PXDC1: variants seen among roughly 807,000 people sequenced by gnomAD.
PXDC1 encodes PX domain containing 1, also known as PX domain-containing protein 1.
A neutral mutation model predicts 24.4 loss-of-function variants in PXDC1; 13 were observed. The observed-to-expected ratio is 0.53, with a 90% CI of 0.35 to 0.85. The LOEUF (loss-of-function observed/expected upper bound fraction) is 0.85. Among genes scored for constraint, PXDC1 ranks in the 40% least tolerant of loss-of-function variants. The probability of loss-of-function intolerance (pLI) is 0.01; values close to 1 mark genes in which losing one functional copy is unlikely to be tolerated. For synonymous variants in PXDC1, 162 were observed against 124.9 expected, an observed-to-expected ratio of 1.30 and a Z score of -1.98; for missense variants, 344 against 309.3, an observed-to-expected ratio of 1.11 and a Z score of -0.84.
At chr6:3,747,752 A>G (rs994739736) in intron 1 of PXDC1, among the ~76,000 whole-genome samples, 20 of 152,062 alleles carry the variant, frequency 1.3e-4, no homozygotes, top group African/African-American at 4.4e-4. Flanking sequence ...TCACTATCTA[A>G]TGTATTTGTT....
chr6:3,748,937 G>C (rs1487929963), intron 1 of PXDC1, among the ~76,000 whole-genome samples: 3 of 152,320 alleles, frequency 2.0e-5, no homozygotes, highest in Middle Eastern at 6.8e-3. Flanking sequence ...TGTATATCCA[G>C]ATAATCTTTT....
chr6:3,726,929 C>T (rs1031811506), intron 4 of PXDC1, among the ~76,000 whole-genome samples: 16 of 152,228 alleles, frequency 1.1e-4, no homozygotes, highest in African/African-American at 3.4e-4. Context: ...TGAGCTCATA[C>T]AGCCAAGGAG....
At chr6:3,726,583 AGAG>A (rs1180115409) in intron 4 of PXDC1, among the ~76,000 whole-genome samples, 1 of 152,258 alleles carries the variant, frequency 6.6e-6, no homozygotes, top group Non-Finnish European at 1.5e-5. Context: ...GGGATTCAGC[AGAG>A]GAGGCCCAGG....
At position 3,728,547 on chromosome 6, in the gene PXDC1, T is replaced by C. The variant is rs1010738094; in HGVS notation, c.467-885A>G. The stretch of plus-strand genomic sequence containing the variant: ...ACTTCCTACGTCCATACTGGCTGCA[T>C]GGCATGAGCTAGAGGGTGGAAGTCT... On this transcript the variant is annotated intron_variant, in intron 3 of 4. Transcript: ENST00000380283. This position sits in a 1 kb window ranked among gnomAD's most constrained non-coding sequence, Gnocchi z 4.0. Among the ~76,000 whole-genome samples, 30 of 152,168 alleles carry C rather than the reference T, an allele frequency of 2.0e-4. No homozygotes were observed. The highest frequency in any genetic ancestry group is 2.0e-3 in the Admixed American group (30 of 15,282).
intron 3 of PXDC1, among the ~76,000 whole-genome samples, chr6:3,735,564 A>T (rs1760298305): frequency 6.6e-6 from 1 of 152,234 alleles, no homozygotes; most frequent in South Asian, 2.1e-4. Flanking sequence ...AGAAGGGGAG[A>T]TCATAGAAGC....
intron 1 of PXDC1, 82 bp from the exon 2 acceptor site, chr6:3,738,230 C>T: frequency 9.6e-7 from 1 of 1,039,802 alleles, no homozygotes; most frequent in Non-Finnish European, 1.5e-6. Context: ...CAGGTGCCCA[C>T]AAACCGCCAG....
chr6:3,751,216 C>CCTTCGTGCACTTCAAGGCTGCCTCGG (rs1760708790), intron 1 of PXDC1, 60 bp downstream of exon 1: 1 of 1,271,354 alleles, frequency 7.9e-7, no homozygotes, highest in Non-Finnish European at 1.0e-6. Context: ...TTCCCCGCCT[C>CCTTCGTGCACTTCAAGGCTGCCTCGG]CTTCGTGCAC....
intron 1 of PXDC1, among the ~76,000 whole-genome samples, chr6:3,747,243 A>G (rs1227129480): frequency 6.6e-6 from 1 of 151,320 alleles, no homozygotes; most frequent in Non-Finnish European, 1.5e-5. Flanking sequence ...ACTACTCCAC[A>G]CCCCATGTCT....
At chr6:3,726,515 T>C (rs1016633859) in intron 4 of PXDC1, among the ~76,000 whole-genome samples, 1 of 152,200 alleles carries the variant, frequency 6.6e-6, no homozygotes, top group African/African-American at 2.4e-5. Flanking sequence ...CGGGGTCTGT[T>C]AGCAGGAGCC....
intron 3 of PXDC1, among the ~76,000 whole-genome samples, chr6:3,733,381 G>C (rs1453679408): frequency 6.6e-6 from 1 of 152,184 alleles, no homozygotes; most frequent in Non-Finnish European, 1.5e-5. Flanking sequence ...GCTATTTATT[G>C]TCAATAGTAA....
intron 1 of PXDC1, among the ~76,000 whole-genome samples, chr6:3,746,831 G>A (rs1008379754): frequency 6.6e-6 from 1 of 152,144 alleles, no homozygotes. Flanking sequence ...AACAGCATGA[G>A]CAGGTTCAGG....
At chr6:3,733,611 G>C (rs1268076756) in intron 3 of PXDC1, among the ~76,000 whole-genome samples, 1 of 152,104 alleles carries the variant, frequency 6.6e-6, no homozygotes, top group Non-Finnish European at 1.5e-5. Flanking sequence ...GAAACACTCA[G>C]AGCACTTGAG....
intron 1 of PXDC1, among the ~76,000 whole-genome samples, chr6:3,744,650 C>T (rs1268861085): frequency 6.6e-6 from 1 of 152,204 alleles, no homozygotes; most frequent in Non-Finnish European, 1.5e-5. Flanking sequence ...CGGCTTCCCA[C>T]GGAGGTTCTG....
chr6:3,751,651 C>T lies in PXDC1; in HGVS notation c.-120G>A, dbSNP rs1760729103. 1 of 1,329,736 alleles carries T rather than the reference C, an allele frequency of 7.5e-7. No homozygotes were observed. The highest frequency in any genetic ancestry group is 1.9e-5 in the South Asian group (1 of 52,332). The allele number at this position is 1,329,736 out of a possible 1,614,324, so 82.4% of individuals were successfully genotyped here. ...TGGCCGGGGTCGTCCGGGGTCGGCCCGTCACTCCAAGGAGGCTGCGTATGG... is the reference window on the plus strand; with the variant it reads ...TGGCCGGGGTCGTCCGGGGTCGGCCTGTCACTCCAAGGAGGCTGCGTATGG... On this transcript the variant is annotated 5_prime_UTR_variant, in exon 1 of 5. Transcript: ENST00000380283.
intron 1 of PXDC1, among the ~76,000 whole-genome samples, chr6:3,748,000 T>C (rs17137024): frequency 0.025 from 3,855 of 152,338 alleles, 65 homozygotes; most frequent in Middle Eastern, 0.095. Flanking sequence ...GGTGACCTGG[T>C]TGGCTCAGAC....
chr6:3,727,525 A>C, intron 4 of PXDC1, 26 bp downstream of exon 4: 1 of 1,495,638 alleles, frequency 6.7e-7, no homozygotes, highest in Non-Finnish European at 9.3e-7. Context: ...CAGTCTATGA[A>C]ACGATATTCA....
intron 3 of PXDC1, among the ~76,000 whole-genome samples, chr6:3,735,752 T>C (rs1201729952): frequency 6.6e-6 from 1 of 152,114 alleles, no homozygotes; most frequent in East Asian, 1.9e-4. Context: ...GAAGAGAGGA[T>C]TTTGAATGTT....
At chr6:3,746,337 G>C (rs1019227184) in intron 1 of PXDC1, among the ~76,000 whole-genome samples, 1 of 152,184 alleles carries the variant, frequency 6.6e-6, no homozygotes, top group South Asian at 2.1e-4. Flanking sequence ...AGTGGGCGGC[G>C]GGGTTTGGGC....
chr6:3,730,750 A>G (rs759000851), intron 3 of PXDC1, among the ~76,000 whole-genome samples: 1 of 152,232 alleles, frequency 6.6e-6, no homozygotes, highest in Non-Finnish European at 1.5e-5. Flanking sequence ...CTACGGGACC[A>G]GGGAGCCTGA....
Sources: gnomAD v4.1 joint callset for allele counts (sites outside exome capture counted in the v4.1 genomes callset) on GRCh38, gnomAD v4.1.1 for gene constraint, Gnocchi (gnomAD v3.1) non-coding constraint, MANE v1.5 for transcripts, NCBI Gene and HGNC (gene_info 2026-07-23, HGNC 2026-07-21) for gene names.